PLXDC2: variants seen among roughly 807,000 people sequenced by gnomAD.
PLXDC2 encodes the protein plexin domain containing 2.
PLXDC2 carries 40 observed loss-of-function variants against 68.9 expected under a neutral mutation model. The ratio of observed to expected loss-of-function variants is 0.58; its 90% confidence interval spans 0.45 to 0.76. The LOEUF (loss-of-function observed/expected upper bound fraction) is 0.76, where lower values mean the gene tolerates loss of function less well. Among genes scored for constraint, PLXDC2 ranks in the 30% least tolerant of loss-of-function variants. PLXDC2 has a pLI of 0.00. For missense variants in PLXDC2, 644 were observed against 661.9 expected (o/e 0.97, Z 0.30); for synonymous variants, 243 against 234.2 (o/e 1.04, Z -0.34).
intron 2 of PLXDC2, among the ~76,000 whole-genome samples, chr10:20,024,584 T>C (rs553972998): frequency 1.3e-5 from 2 of 152,212 alleles, no homozygotes; most frequent in Non-Finnish European, 2.9e-5. Flanking sequence ...TTTGTTTTTC[T>C]TTTTTAAAAA....
At chr10:20,241,424 G>A (rs1275037717) in intron 12 of PLXDC2, among the ~76,000 whole-genome samples, 3 of 151,830 alleles carry the variant, frequency 2.0e-5, no homozygotes, top group Non-Finnish European at 2.9e-5. Context: ...AGCACATTTG[G>A]GAAGTAGCAA....
At chr10:20,085,224 TTAGTTTCA>T (rs1275653903) in intron 4 of PLXDC2, among the ~76,000 whole-genome samples, 1 of 150,442 alleles carries the variant, frequency 6.6e-6, no homozygotes, top group Non-Finnish European at 1.5e-5. Flanking sequence ...AAAAAAAATC[TTAGTTTCA>T]TAGACTAAAC....
intron 9 of PLXDC2, among the ~76,000 whole-genome samples, chr10:20,181,974 T>A (rs1834610556): frequency 1.3e-5 from 2 of 151,688 alleles, no homozygotes; most frequent in African/African-American, 4.8e-5. Context: ...TGTGCAATAG[T>A]GCACAGGAGG....
At chr10:19,946,769 T>C (rs1432361619) in intron 1 of PLXDC2, among the ~76,000 whole-genome samples, 6 of 152,122 alleles carry the variant, frequency 3.9e-5, no homozygotes, top group Non-Finnish European at 4.4e-5. Context: ...TAGATTCTCC[T>C]AAGGAGCATG....
intron 4 of PLXDC2, among the ~76,000 whole-genome samples, chr10:20,134,986 G>A (rs1833916190): frequency 6.6e-6 from 1 of 152,058 alleles, no homozygotes; most frequent in South Asian, 2.1e-4. Flanking sequence ...ACTTGATGTG[G>A]GTAATGTGAA....
intron 4 of PLXDC2, among the ~76,000 whole-genome samples, chr10:20,141,589 T>C (rs1377180511): frequency 6.6e-6 from 1 of 152,072 alleles, no homozygotes; most frequent in Non-Finnish European, 1.5e-5. Context: ...AGATGGTATC[T>C]ATAGAATTTT....
chr10:20,100,561 T>G (rs1347765751), intron 4 of PLXDC2, among the ~76,000 whole-genome samples: 1 of 152,204 alleles, frequency 6.6e-6, no homozygotes, highest in East Asian at 1.9e-4. Flanking sequence ...TTGACTATAA[T>G]ACGGTTGCTC....
At chr10:20,201,611 TAGA>T (rs1237068908) in intron 9 of PLXDC2, among the ~76,000 whole-genome samples, 1 of 152,034 alleles carries the variant, frequency 6.6e-6, no homozygotes, top group Middle Eastern at 3.2e-3. Context: ...TTCAAATAGT[TAGA>T]AGGAGAATAT....
chr10:19,827,994 C>T (rs1392482928), intron 1 of PLXDC2, among the ~76,000 whole-genome samples: 2 of 151,982 alleles, frequency 1.3e-5, no homozygotes, highest in African/African-American at 4.8e-5. Context: ...TCCTAGGAAA[C>T]AAATGGGGAA....
intron 2 of PLXDC2, among the ~76,000 whole-genome samples, chr10:20,018,723 T>C (rs1050438870): frequency 6.6e-6 from 1 of 152,178 alleles, no homozygotes; most frequent in African/African-American, 2.4e-5. Flanking sequence ...TTTTTTTTAA[T>C]ACTGAAACAT....
chr10:20,180,620 G>A (rs145239968), intron 9 of PLXDC2, among the ~76,000 whole-genome samples: 1,872 of 151,994 alleles, frequency 0.012, 18 homozygotes, highest in Middle Eastern at 0.017. Flanking sequence ...AATGATAATC[G>A]GTTGGTGGTA....
At position 20,147,768 on chromosome 10, in the gene PLXDC2, T is replaced by C. The variant is rs41277354; in HGVS notation, c.665-16T>C. ...TTTTTCTCATTGCATTTCTTCTTTT[T>C]TCAATGGGTGTATAGGCACAGCACT... On this transcript the variant is annotated splice_polypyrimidine_tract_variant and intron_variant, in intron 5 of 13. Transcript: ENST00000377252. 0.036 allele frequency: 52,454 copies of C among 1,468,170 alleles called. 1,183 individuals carry two copies. The highest frequency in any genetic ancestry group is 0.075 in the South Asian group (6,190 of 82,512). 90.9% of individuals were successfully genotyped at this position (1,468,170 alleles called of 1,614,324 possible).
At position 20,280,216 on chromosome 10, in the gene PLXDC2, A is replaced by G. The variant is rs1836064240; in HGVS notation, c.*397A>G. The G allele has an allele frequency of 6.2e-6, 1 of 160,294 alleles. No individual in the cohort carries two copies. The highest frequency in any genetic ancestry group is 1.4e-5 in the Non-Finnish European group (1 of 73,456). The allele number at this position is 160,294 out of a possible 1,614,324, so 9.9% of individuals were successfully genotyped here. A position where few individuals can be genotyped will look rare whatever the true frequency, so the allele number is the denominator to read the frequency against. On this transcript the variant is annotated 3_prime_UTR_variant, in exon 14 of 14. Coordinates refer to ENST00000377252, the MANE Select transcript of PLXDC2 (RefSeq NM_032812.9). Reference sequence around the variant, plus strand: ...ACACCTTTGGTTCAAATGTTCTCTGATGTCTCAAAGATAACTGTTTTCCAA... The same window carrying G: ...ACACCTTTGGTTCAAATGTTCTCTGGTGTCTCAAAGATAACTGTTTTCCAA...
chr10:19,972,814 T>C lies in PLXDC2; in HGVS notation c.113-28961T>C, dbSNP rs1834377540. Among the ~76,000 whole-genome samples the C allele has an allele frequency of 2.0e-5, 3 of 152,190 alleles. No homozygotes were observed. In the South Asian group the frequency reaches 6.2e-4, roughly 31 times the overall value. On this transcript the variant is annotated intron_variant, in intron 1 of 13. Transcript: ENST00000377252. ...AAGGAAGTGGTACTTAATTGACCAGTTGGAGAAAATTGAGCTAATTAGTGT... is the reference window on the plus strand; with the variant it reads ...AAGGAAGTGGTACTTAATTGACCAGCTGGAGAAAATTGAGCTAATTAGTGT...
At chr10:20,037,322 C>A (rs1319324822) in intron 2 of PLXDC2, among the ~76,000 whole-genome samples, 1 of 151,272 alleles carries the variant, frequency 6.6e-6, no homozygotes, top group Non-Finnish European at 1.5e-5. Context: ...CCTAACTCTG[C>A]CTCAGATTCT....
intron 9 of PLXDC2, among the ~76,000 whole-genome samples, chr10:20,190,501 A>G (rs1312173927): frequency 1.3e-5 from 2 of 151,840 alleles, no homozygotes; most frequent in Non-Finnish European, 2.9e-5. Flanking sequence ...AATGTAAATG[A>G]CGAGTTAATG....
chr10:20,258,511 T>A (rs956427262), intron 13 of PLXDC2, among the ~76,000 whole-genome samples: 2 of 152,222 alleles, frequency 1.3e-5, no homozygotes, highest in African/African-American at 2.4e-5. Flanking sequence ...TGGCATTTGT[T>A]CCATTTCTAT....
chr10:20,191,495 C>A (rs1287954872), intron 9 of PLXDC2, among the ~76,000 whole-genome samples: 1 of 150,748 alleles, frequency 6.6e-6, no homozygotes, highest in African/African-American at 2.4e-5. Flanking sequence ...CTGTATTGAC[C>A]CATGCCCTCA....
At chr10:19,903,701 A>ATT (rs57577021) in intron 1 of PLXDC2, among the ~76,000 whole-genome samples, 3 of 129,468 alleles carry the variant, frequency 2.3e-5, no homozygotes, top group African/African-American at 2.8e-5. Context: ...CATCTTCATT[A>ATT]TTTTTTTTTT....
Sources: allele counts gnomAD v4.1 joint callset (sites outside exome capture counted in the v4.1 genomes callset), GRCh38; gene constraint gnomAD v4.1.1; transcripts MANE v1.5; gene names NCBI Gene and HGNC (gene_info 2026-07-23, HGNC 2026-07-21).